Variants in ZNF90 observed in about 807,000 individuals in gnomAD.
The protein encoded by ZNF90 is zinc finger protein 90, also known as zinc finger protein HTF9.
In ZNF90, 11 loss-of-function variants were observed where a neutral mutation model predicts 12.0. The ratio of observed to expected loss-of-function variants is 0.92; its 90% CI spans 0.58 to 1.52. The LOEUF is 1.52. Ranked by LOEUF, ZNF90 falls within the 40% of genes most tolerant of loss-of-function variation. The probability of loss-of-function intolerance (pLI) is 0.00; values close to 1 mark genes in which losing one functional copy is unlikely to be tolerated. For synonymous variants in ZNF90, 232 were observed against 240.1 expected, an observed-to-expected ratio of 0.97 and a Z score of 0.31; for missense variants, 765 against 711.5, an observed-to-expected ratio of 1.08 and a Z score of -0.86.
intron 3 of ZNF90, among the ~76,000 whole-genome samples, chr19:20,107,803 G>A (rs1348816176): frequency 1.3e-5 from 2 of 151,914 alleles, no homozygotes; most frequent in Non-Finnish European, 2.9e-5. Context: ...GAATTTGATG[G>A]TATACTTGAA....
At chr19:20,117,280 G>T (rs542790065) in intron 3 of ZNF90, among the ~76,000 whole-genome samples, 2 of 152,232 alleles carry the variant, frequency 1.3e-5, no homozygotes, top group South Asian at 4.2e-4. Flanking sequence ...CTGACTTCAG[G>T]TGATCCACCT....
chr19:20,115,313 C>T (rs1555705553), intron 3 of ZNF90, among the ~76,000 whole-genome samples: 1 of 151,700 alleles, frequency 6.6e-6, no homozygotes, highest in Non-Finnish European at 1.5e-5. Flanking sequence ...GATAATTATA[C>T]ATATAAAATT....
chr19:20,108,958 C>T (rs938791484), intron 3 of ZNF90, among the ~76,000 whole-genome samples: 1 of 151,616 alleles, frequency 6.6e-6, no homozygotes, highest in African/African-American at 2.4e-5. Context: ...CTCCTGACCT[C>T]GTGATCTGCC....
At position 20,119,703 on chromosome 19, in the gene ZNF90, C is replaced by T. The variant is rs2089179801; in HGVS notation, c.*343C>T. 5.2e-6 allele frequency: 1 copy of T among 192,182 alleles called. No individual in the cohort carries two copies. The allele number at this position is 192,182 out of a possible 1,614,324, so 11.9% of individuals were successfully genotyped here. On this transcript the variant is annotated 3_prime_UTR_variant, in exon 4 of 4. Transcript: ENST00000418063. ...TGGCACGATCTCTGCTCACTGCAAC[C>T]TCTTCCTCCTGGTTCAAGCCATTAA...
intron 1 of ZNF90, among the ~76,000 whole-genome samples, chr19:20,101,146 C>T (rs1252633644): frequency 1.3e-5 from 2 of 152,218 alleles, no homozygotes; most frequent in African/African-American, 2.4e-5. Context: ...CCGGATCCAG[C>T]AGGGTGTCCG....
chr19:20,106,506 G>C (rs10414093), intron 3 of ZNF90, among the ~76,000 whole-genome samples: 1,896 of 152,270 alleles, frequency 0.012, 42 homozygotes, highest in African/African-American at 0.043. Flanking sequence ...CCAGGCTGGA[G>C]TGCAGTGGCG....
intron 1 of ZNF90, among the ~76,000 whole-genome samples, chr19:20,096,504 G>T (rs1430311815): frequency 6.6e-6 from 1 of 152,072 alleles, no homozygotes; most frequent in African/African-American, 2.4e-5. Context: ...ACAGTCAAAG[G>T]GGGTTTGTTC....
intron 1 of ZNF90, 111 bp downstream of exon 1, chr19:20,078,246 C>A: frequency 7.1e-7 from 1 of 1,403,956 alleles, no homozygotes; most frequent in Non-Finnish European, 1.0e-6. Flanking sequence ...CAATCTGCGA[C>A]CGACTTCTCC....
rs528684761 is a variant in ZNF90, at chr19:20,081,750, TTTTC to T, written c.3+3630_3+3633del. ...TCTTTCCCACACAGGGATTTGTTTT[TTTTC>T]TTTCTTTCTTTCTTCTTTTTTTTTT... On this transcript the variant is annotated intron_variant, in intron 1 of 3. Coordinates refer to ENST00000418063, the MANE Select transcript of ZNF90 (RefSeq NM_007138.2). 5.8e-3 allele frequency among the ~76,000 whole-genome samples: 885 copies of T among 152,032 alleles called. 8 individuals are homozygous for T. Among genetic ancestry groups the T allele is most frequent in the African/African-American group, 0.02 (823 of 41,406 alleles).
chr19:20,098,182 A>T (rs1417276444), intron 1 of ZNF90, among the ~76,000 whole-genome samples: 8 of 152,232 alleles, frequency 5.3e-5, no homozygotes, highest in African/African-American at 1.9e-4. Flanking sequence ...TCACCAAAGG[A>T]TGCAAAGCCA....
rs369487991 is a variant in ZNF90 at position 20,089,263 on chromosome 19, G to A, written c.3+11128G>A. Among the ~76,000 whole-genome samples, 16 of 152,226 alleles carry A rather than the reference G, an allele frequency of 1.1e-4. No individual in the cohort carries two copies. The East Asian group carries it at 2.5e-3, about 24-fold the overall frequency. Reference sequence around the variant, plus strand: ...TGAGCAACCTTTCACTGTTATTTTCGGGGCTGGGTATAAGTAAACGAGAAG... The same window carrying A: ...TGAGCAACCTTTCACTGTTATTTTCAGGGCTGGGTATAAGTAAACGAGAAG... On this transcript the variant is annotated intron_variant, in intron 1 of 3. Coordinates refer to ENST00000418063, the MANE Select transcript of ZNF90 (RefSeq NM_007138.2).
At position 20,110,044 on chromosome 19, in the gene ZNF90, C is replaced by T. The variant is rs570157383; in HGVS notation, c.226+4728C>T. ...CATATAAGTGAAATCATACAGTATC[C>T]ATAATTTTGTTACTGTATTAATTCA... On this transcript the variant is annotated intron_variant, in intron 3 of 3. Transcript: ENST00000418063. Among the ~76,000 whole-genome samples the T allele has an allele frequency of 4.5e-4, 68 of 152,148 alleles. 1 individual carries two copies. The highest frequency in any genetic ancestry group is 1.6e-3 in the African/African-American group (65 of 41,488).
chr19:20,118,645 C>G lies in ZNF90; in HGVS notation c.1091C>G (p.Thr364Ser). ...CTTCGTACACATAAGAGAATTCATA[C>G]TGGAGAGAAACCCTACAAGTGTGAT... Reference protein sequence around the residue: ...LVLRTHKRIHTGEKPYKCDKC... With the variant: ...LVLRTHKRIHSGEKPYKCDKC... Residue 364 changes from threonine to serine, a missense_variant, in exon 4 of 4, where the codon ACT becomes AGT. Coordinates refer to ENST00000418063, the MANE Select transcript of ZNF90 (RefSeq NM_007138.2). The G allele has an allele frequency of 6.4e-7, 1 of 1,568,416 alleles. No homozygotes were observed. Among genetic ancestry groups the G allele is most frequent in the South Asian group, 1.2e-5 (1 of 85,238 alleles).
chr19:20,105,325 G>A lies in ZNF90; in HGVS notation c.226+9G>A, dbSNP rs139848324. ...GATTGCCAAATCCCCAGGTAGGTGC[G>A]AGTGAAAATGAATACAACAGACAAC... On this transcript the variant is annotated intron_variant, in intron 3 of 3. Coordinates refer to ENST00000418063, the MANE Select transcript of ZNF90 (RefSeq NM_007138.2). 5.6e-6 allele frequency: 9 copies of A among 1,597,772 alleles called. No homozygotes were observed. The highest frequency in any genetic ancestry group is 3.4e-5 in the Admixed American group (2 of 58,144).
chr19:20,105,121 T>C (rs1239998127), intron 2 of ZNF90, 100 bp from the exon 3 acceptor site: 1 of 780,212 alleles, frequency 1.3e-6, no homozygotes, highest in Non-Finnish European at 1.8e-6. Context: ...ATTTTGGAAT[T>C]TACTAGACTA....
intron 1 of ZNF90, among the ~76,000 whole-genome samples, chr19:20,093,213 G>A (rs2122490281): frequency 6.6e-6 from 1 of 152,390 alleles, no homozygotes; most frequent in South Asian, 2.1e-4. Flanking sequence ...ATAAGACGCA[G>A]ATCCTGAACT....
chr19:20,085,225 GA>G (rs2088849171), intron 1 of ZNF90, among the ~76,000 whole-genome samples: 1 of 151,126 alleles, frequency 6.6e-6, no homozygotes, highest in African/African-American at 2.4e-5. Context: ...ATGGCGGTAG[GA>G]GGGTGGCATT....
chr19:20,118,049 A>G lies in ZNF90; in HGVS notation c.495A>G (p.Ile165Met). ...TTTCAAATTCAAACAGACATAAGAT[A>G]AGAGATACTGGAAAAAAACCTTTCA... is the stretch of plus-strand genomic sequence containing the variant. ...HIFSNSNRHK[I>M]RDTGKKPFKC... Residue 165 changes from isoleucine to methionine, a missense_variant, in exon 4 of 4, where the codon ATA becomes ATG. Transcript: ENST00000418063. 1 of 1,612,402 alleles carries G rather than the reference A, an allele frequency of 6.2e-7. No individual in the cohort carries two copies. Among genetic ancestry groups the G allele is most frequent in the South Asian group, 1.1e-5 (1 of 90,938 alleles).
chr19:20,087,496 C>T (rs1251729294), intron 1 of ZNF90: 2 of 152,180 alleles, frequency 1.3e-5, no homozygotes, highest in African/African-American at 2.4e-5. Context: ...AAACACTGCT[C>T]CCATTTCCAT....
Sources: gnomAD v4.1 joint callset for allele counts (sites outside exome capture counted in the v4.1 genomes callset) on GRCh38, gnomAD v4.1.1 for gene constraint, MANE v1.5 for transcripts, NCBI Gene and HGNC (gene_info 2026-07-23, HGNC 2026-07-21) for gene names.